RASSF4: variants seen among roughly 807,000 people sequenced by gnomAD.
RASSF4 encodes ras association domain-containing protein 4.
In RASSF4, 38 loss-of-function variants were observed where a neutral mutation model predicts 41.1. The ratio of observed to expected loss-of-function variants is 0.92; its 90% CI spans 0.71 to 1.21. The LOEUF (loss-of-function observed/expected upper bound fraction) is 1.21, where lower values mean the gene tolerates loss of function less well. Ranked by LOEUF, RASSF4 falls within the 50% of genes most tolerant of loss-of-function variation. The pLI is 0.00. For missense variants in RASSF4, 414 were observed against 419.4 expected, an observed-to-expected ratio of 0.99 and a Z score of 0.11; for synonymous variants, 179 against 163.4, an observed-to-expected ratio of 1.10 and a Z score of -0.73.
chr10:44,965,523 C>T (rs1049948220), intron 1 of RASSF4, among the ~76,000 whole-genome samples: 10 of 152,212 alleles, frequency 6.6e-5, no homozygotes, highest in Non-Finnish European at 1.3e-4. Context: ...CATCTCCTTC[C>T]CTTGCTTAGG....
At chr10:44,979,576 G>A (rs1426520964) in intron 3 of RASSF4, among the ~76,000 whole-genome samples, 1 of 152,126 alleles carries the variant, frequency 6.6e-6, no homozygotes, top group East Asian at 1.9e-4. Flanking sequence ...GGTCAGGGGT[G>A]TCTTCCCTAA....
At chr10:44,971,239 A>T (rs1021035988) in intron 2 of RASSF4, 15 of 334,814 alleles carry the variant, frequency 4.5e-5, no homozygotes, top group Non-Finnish European at 2.4e-5. Context: ...GCGTTGAGGG[A>T]AAGTGGCTTA....
In RASSF4 at chr10:44,993,567, T is replaced by A; in HGVS notation, c.*238T>A. 1.8e-6 allele frequency: 1 copy of A among 562,036 alleles called. No individual in the cohort carries two copies. Among genetic ancestry groups the A allele is most frequent in the Non-Finnish European group, 3.2e-6 (1 of 311,014 alleles). 34.8% of individuals were successfully genotyped at this position (562,036 alleles called of 1,614,324 possible). ...GGGGCCAGGAACTTGCTGGGTCAGA[T>A]CTGTGTGGCCAGCCCTGTCCACACC... is the stretch of plus-strand genomic sequence containing the variant. On this transcript the variant is annotated 3_prime_UTR_variant, in exon 11 of 11. Coordinates refer to ENST00000340258, the MANE Select transcript of RASSF4 (RefSeq NM_032023.4).
At chr10:44,965,887 C>T (rs1344532486) in intron 1 of RASSF4, among the ~76,000 whole-genome samples, 5 of 152,226 alleles carry the variant, frequency 3.3e-5, no homozygotes, top group Admixed American at 3.3e-4. Context: ...GCCATTCAGT[C>T]ATGGCCGGAG....
chr10:44,972,878 G>A (rs1276026798), intron 3 of RASSF4, among the ~76,000 whole-genome samples: 1 of 152,204 alleles, frequency 6.6e-6, no homozygotes, highest in Non-Finnish European at 1.5e-5. Flanking sequence ...ATAGCTCCCA[G>A]GCCAGAGCTA....
In RASSF4 at chr10:44,964,381, G is replaced by C. The variant is rs1840821834; in HGVS notation, c.-39+4515G>C. ...AGCTATGTCCTGGGACCTGGGGGAG[G>C]GGAACGGGCCCAGACAAAGAAAGCT... On this transcript the variant is annotated intron_variant, in intron 1 of 10. Transcript: ENST00000340258. 2.0e-5 allele frequency among the ~76,000 whole-genome samples: 3 copies of C among 152,226 alleles called. No homozygotes were observed. The South Asian group carries it at 6.2e-4, about 32-fold the overall frequency.
At chr10:44,988,219 G>C (rs1841987967) in intron 6 of RASSF4, among the ~76,000 whole-genome samples, 1 of 152,174 alleles carries the variant, frequency 6.6e-6, no homozygotes, top group South Asian at 2.1e-4. Context: ...CTCTGAACAA[G>C]CTGGTTAACC....
chr10:44,982,372 G>A (rs565850420), intron 3 of RASSF4, 149 bp from the exon 4 acceptor site: 22 of 943,818 alleles, frequency 2.3e-5, no homozygotes, highest in Admixed American at 2.0e-4. Context: ...CCCAGGGCAC[G>A]TAGTGGCTGA....
At chr10:44,982,945 G>A in intron 4 of RASSF4, 1 of 669,636 alleles carries the variant, frequency 1.5e-6, no homozygotes. Flanking sequence ...CTACAGCCAG[G>A]GGGGCTCCCA....
chr10:44,971,752 T>C lies in RASSF4; in HGVS notation c.63-21T>C, dbSNP rs1283107804. 3.1e-6 allele frequency: 5 copies of C among 1,596,816 alleles called. No individual in the cohort carries two copies. In the South Asian group the frequency reaches 3.3e-5, roughly 11 times the overall value. Reference sequence around the variant, plus strand: ...GGCCCTGCCACACCCTAGGAGTACATGTGTGTCTTTCCCTTTTTAGGTCGG... The same window carrying C: ...GGCCCTGCCACACCCTAGGAGTACACGTGTGTCTTTCCCTTTTTAGGTCGG... On this transcript the variant is annotated intron_variant, in intron 2 of 10. Coordinates refer to ENST00000340258, the MANE Select transcript of RASSF4 (RefSeq NM_032023.4).
rs768613336 is a variant in RASSF4 at position 44,970,166 on chromosome 10, A to T, written c.-37A>T. On this transcript the variant is annotated splice_region_variant and 5_prime_UTR_variant, in exon 2 of 11. It introduces an in-frame stop codon into an upstream open reading frame of the 5' UTR. Coordinates refer to ENST00000340258, the MANE Select transcript of RASSF4 (RefSeq NM_032023.4). Reference sequence around the variant, plus strand: ...GTCCACCCTTCCTTGTCTTCCCAGCAAGTAACTTCTAGGTCTGCAGACAAG... The same window carrying T: ...GTCCACCCTTCCTTGTCTTCCCAGCTAGTAACTTCTAGGTCTGCAGACAAG... 67 of 1,588,948 alleles carry T rather than the reference A, an allele frequency of 4.2e-5. No homozygotes were observed. The East Asian group carries it at 1.5e-3, about 34-fold the overall frequency.
chr10:44,977,202 T>C (rs1417733951), intron 3 of RASSF4: 3 of 675,116 alleles, frequency 4.4e-6, no homozygotes, highest in African/African-American at 3.6e-5. Flanking sequence ...ATTGGTAACA[T>C]CTCCTCATGT....
At chr10:44,980,185 C>G (rs1588829588) in intron 3 of RASSF4, among the ~76,000 whole-genome samples, 1 of 152,200 alleles carries the variant, frequency 6.6e-6, no homozygotes, top group African/African-American at 2.4e-5. Flanking sequence ...TTCTTGAATT[C>G]TAGGTGGGAA....
At chr10:44,984,692 C>T (rs747480949) in intron 5 of RASSF4, 121 bp from the exon 6 acceptor site, 140 of 1,111,566 alleles carry the variant, frequency 1.3e-4, no homozygotes, top group East Asian at 1.2e-3. Flanking sequence ...ATGGCCCTCA[C>T]GTCCCCATCT....
At chr10:44,966,469 ATTCC>A (rs1345251238) in intron 1 of RASSF4, among the ~76,000 whole-genome samples, 1 of 152,220 alleles carries the variant, frequency 6.6e-6, no homozygotes, top group African/African-American at 2.4e-5. Flanking sequence ...GACTCCTTGA[ATTCC>A]TTCCCATATG....
chr10:44,961,490 G>A (rs1218833899), intron 1 of RASSF4, among the ~76,000 whole-genome samples: 1 of 152,218 alleles, frequency 6.6e-6, no homozygotes, highest in African/African-American at 2.4e-5. Flanking sequence ...CTGGGGTCTG[G>A]GGCCTGGTTT....
chr10:44,988,844 A>T (rs1405003947), intron 6 of RASSF4, among the ~76,000 whole-genome samples: 1 of 152,226 alleles, frequency 6.6e-6, no homozygotes, highest in South Asian at 2.1e-4. Flanking sequence ...CAAGCTGGGA[A>T]GCTGATATGG....
At chr10:44,970,398 G>T in intron 2 of RASSF4, 134 bp downstream of exon 2, 1 of 707,520 alleles carries the variant, frequency 1.4e-6, no homozygotes, top group Non-Finnish European at 2.5e-6. Context: ...GACAGTGATG[G>T]GGTGCTTCTT....
intron 3 of RASSF4, among the ~76,000 whole-genome samples, chr10:44,973,746 G>A (rs1007358784): frequency 3.3e-5 from 5 of 152,204 alleles, no homozygotes; most frequent in African/African-American, 7.2e-5. Context: ...GGGCAGGGGC[G>A]CGGGAGCGGG....
Sources: gnomAD v4.1 joint callset for allele counts (sites outside exome capture counted in the v4.1 genomes callset) on GRCh38, gnomAD v4.1.1 for gene constraint, MANE v1.5 for transcripts, NCBI Gene and HGNC (gene_info 2026-07-23, HGNC 2026-07-21) for gene names.